Variants in CPNE2 observed in about 807,000 individuals in gnomAD.
The protein encoded by CPNE2 is copine-2.
CPNE2 carries 42 observed loss-of-function variants against 69.7 expected under a neutral mutation model. The ratio of observed to expected loss-of-function variants is 0.60; its 90% confidence interval spans 0.47 to 0.78. The LOEUF (loss-of-function observed/expected upper bound fraction) is 0.78, where lower values mean the gene tolerates loss of function less well. Among genes scored for constraint, CPNE2 ranks in the 30% least tolerant of loss-of-function variants. CPNE2 has a pLI of 0.00. For missense variants in CPNE2, 587 were observed against 732.0 expected (o/e 0.80, Z 2.29); for synonymous variants, 294 against 289.8 (o/e 1.01, Z -0.15).
At chr16:57,124,199 A>C in intron 10 of CPNE2, 1 of 322,322 alleles carries the variant, frequency 3.1e-6, no homozygotes, top group South Asian at 2.5e-5. Flanking sequence ...CTCCCACCTC[A>C]GCTTCCTGAG....
chr16:57,107,258 G>A (rs1246193177), intron 1 of CPNE2, among the ~76,000 whole-genome samples: 1 of 152,192 alleles, frequency 6.6e-6, no homozygotes, highest in African/African-American at 2.4e-5. Context: ...AATAAATCCT[G>A]CAGGCAAATT....
Position 57,121,594 on chromosome 16 carries a change from A to G in CPNE2, c.781-80A>G, listed in dbSNP as rs1597497961. The G allele has an allele frequency of 2.9e-6, 4 of 1,378,336 alleles. No individual in the cohort carries two copies. The East Asian group carries it at 9.1e-5, about 32-fold the overall frequency. 85.4% of individuals were successfully genotyped at this position (1,378,336 alleles called of 1,614,324 possible). A position where few individuals can be genotyped will look rare whatever the true frequency, so the allele number is the denominator to read the frequency against. ...GCTGCCCCCATTGTCAAGCCTGTGG[A>G]AGGGATTCTAGGGCCAAGGAGGAGG... On this transcript the variant is annotated intron_variant, in intron 8 of 15. Transcript: ENST00000290776.
chr16:57,094,497 G>A (rs2069565856), intron 1 of CPNE2, among the ~76,000 whole-genome samples: 1 of 152,198 alleles, frequency 6.6e-6, no homozygotes, highest in African/African-American at 2.4e-5. Flanking sequence ...CTGTAAAACA[G>A]TAAGTACTGG....
chr16:57,135,937 G>A (rs376581700), intron 13 of CPNE2, among the ~76,000 whole-genome samples: 200 of 142,478 alleles, frequency 1.4e-3, no homozygotes, highest in African/African-American at 4.9e-3. Flanking sequence ...CAGAGAGAAA[G>A]GAAAGGAAAG....
intron 13 of CPNE2, among the ~76,000 whole-genome samples, chr16:57,135,041 G>T (rs1385846028): frequency 6.6e-6 from 1 of 152,204 alleles, no homozygotes; most frequent in Non-Finnish European, 1.5e-5. Context: ...GTGGGACCTT[G>T]GAAAGGTCAC....
At chr16:57,094,232 C>A in intron 1 of CPNE2, 6 of 375,564 alleles carry the variant, frequency 1.6e-5, no homozygotes, top group South Asian at 9.5e-5. Flanking sequence ...TGCCTTGTCA[C>A]CCCTTGGACT....
chr16:57,100,329 C>T (rs1397411154), intron 1 of CPNE2, among the ~76,000 whole-genome samples: 1 of 152,216 alleles, frequency 6.6e-6, no homozygotes, highest in African/African-American at 2.4e-5. Context: ...CTTGCTGAAA[C>T]TGTGTGTGGC....
In CPNE2 at chr16:57,103,234, T is replaced by G. The variant is rs1241391460; in HGVS notation, c.-35-7474T>G. On this transcript the variant is annotated intron_variant, in intron 1 of 15. Transcript: ENST00000290776. ...ACCTTGCAGGCTCAAGTAATTTTCC[T>G]GCCTCAGGCTCCCTAGTAGCTACAG... Among the ~76,000 whole-genome samples the G allele has an allele frequency of 2.0e-5, 3 of 152,304 alleles. No homozygotes were observed. The East Asian group carries it at 5.8e-4, about 29-fold the overall frequency.
At chr16:57,131,636 C>A (rs573838678) in intron 12 of CPNE2, among the ~76,000 whole-genome samples, 1 of 152,218 alleles carries the variant, frequency 6.6e-6, no homozygotes, top group Admixed American at 6.5e-5. Context: ...GAGTGCCCGG[C>A]GGTGCCAAGA....
chr16:57,103,363 G>A (rs1597490212), intron 1 of CPNE2, among the ~76,000 whole-genome samples: 1 of 151,788 alleles, frequency 6.6e-6, no homozygotes, highest in East Asian at 1.9e-4. Flanking sequence ...GCCTCAAGCA[G>A]TTCTCCCACC....
chr16:57,097,892 C>A lies in CPNE2; in HGVS notation c.-36+5102C>A, dbSNP rs1004742486. ...GAGAGCCACAGCACTCCGTGCCTAT[C>A]CCCATGTGGAGCTTCCTGGGAGGCC... On this transcript the variant is annotated intron_variant, in intron 1 of 15. Transcript: ENST00000290776. Among the ~76,000 whole-genome samples the A allele has an allele frequency of 5.9e-5, 9 of 152,372 alleles. No homozygotes were observed. The East Asian group carries it at 1.2e-3, about 20-fold the overall frequency.
intron 5 of CPNE2, among the ~76,000 whole-genome samples, chr16:57,118,243 G>A (rs1417351395): frequency 6.8e-6 from 1 of 148,110 alleles, no homozygotes; most frequent in African/African-American, 2.5e-5. Context: ...TCAGCTCACT[G>A]CAAGCTCCGC....
At position 57,146,810 on chromosome 16, in the gene CPNE2, G is replaced by A; in HGVS notation, c.1539+489G>A. On this transcript the variant is annotated intron_variant, in intron 15 of 15. Coordinates refer to ENST00000290776, the MANE Select transcript of CPNE2 (RefSeq NM_152727.6). This position sits in a 1 kb window ranked among gnomAD's most constrained non-coding sequence, Gnocchi z 4.4. ...TGTCCCCAGCCTTGTTCCTGGAAGT[G>A]GCTCTGGCTTTATTTGCAGGTGATC... is the stretch of plus-strand genomic sequence containing the variant. The A allele has an allele frequency of 6.0e-6, 1 of 165,358 alleles. No individual in the cohort carries two copies. The allele number at this position is 165,358 out of a possible 1,614,324, so 10.2% of individuals were successfully genotyped here.
rs1311010129 is a variant in CPNE2, at chr16:57,122,615, CAG to C, written c.868-796_868-795del. ...TTGTTTTTTGTTTTTGTTTTTGAGA[CAG>C]AGTCTCACTGTGTTGCCCAGGCTGG... On this transcript the variant is annotated intron_variant, in intron 9 of 15. Coordinates refer to ENST00000290776, the MANE Select transcript of CPNE2 (RefSeq NM_152727.6). Among the ~76,000 whole-genome samples, 9 of 152,290 alleles carry C rather than the reference CAG, an allele frequency of 5.9e-5. No homozygotes were observed. The East Asian group carries it at 1.5e-3, about 26-fold the overall frequency.
intron 1 of CPNE2, among the ~76,000 whole-genome samples, chr16:57,094,839 A>C (rs1229011254): frequency 6.6e-6 from 1 of 152,156 alleles, no homozygotes; most frequent in Non-Finnish European, 1.5e-5. Context: ...GGTAGGTCTC[A>C]TCCAGGTGTC....
At chr16:57,141,292 A>G (rs1455636362) in intron 14 of CPNE2, 1 of 152,264 alleles carries the variant, frequency 6.6e-6, no homozygotes, top group African/African-American at 2.4e-5. Context: ...CCCCAGAGGG[A>G]AGAAGCAGAA....
intron 14 of CPNE2, chr16:57,143,055 C>G (rs111516170): frequency 0.054 from 8,238 of 152,278 alleles, 278 homozygotes; most frequent in Middle Eastern, 0.13. Context: ...GCAGGGACAA[C>G]AGAGCCTGCA....
At chr16:57,131,012 T>A (rs1176598396) in intron 12 of CPNE2, among the ~76,000 whole-genome samples, 1 of 151,926 alleles carries the variant, frequency 6.6e-6, no homozygotes, top group African/African-American at 2.4e-5. Context: ...GATGGAGACG[T>A]CAATGAGGGC....
intron 8 of CPNE2, 106 bp from the exon 9 acceptor site, chr16:57,121,550 GGCTCCCTGGAGGAAGCAT>G: frequency 2.2e-6 from 2 of 921,516 alleles, no homozygotes; most frequent in Non-Finnish European, 3.4e-6. Context: ...CATCCTGGGA[GGCTCCCTGGAGGAAGCAT>G]GCTGCCCCCA....
Sources: gnomAD v4.1 joint callset for allele counts (sites outside exome capture counted in the v4.1 genomes callset) on GRCh38, gnomAD v4.1.1 for gene constraint, Gnocchi (gnomAD v3.1) non-coding constraint, MANE v1.5 for transcripts, NCBI Gene and HGNC (gene_info 2026-07-23, HGNC 2026-07-21) for gene names.